Variants in MACROD2 observed in about 807,000 individuals in gnomAD.
MACROD2 encodes mono-ADP ribosylhydrolase 2.
Under a neutral mutation model 70.4 loss-of-function variants are expected in MACROD2, and 36 were observed. That is an observed-to-expected ratio of 0.51 (90% CI 0.39 to 0.68). MACROD2 has a LOEUF of 0.68. MACROD2 is among the 30% of genes least tolerant of loss of function. The probability of loss-of-function intolerance (pLI) is 0.00; values close to 1 mark genes in which losing one functional copy is unlikely to be tolerated. For missense variants in MACROD2, 496 were observed against 538.4 expected (o/e 0.92, Z 0.78); for synonymous variants, 172 against 178.8 (o/e 0.96, Z 0.30).
At chr20:14,127,379 C>T in intron 3 of MACROD2, 2 of 390,188 alleles carry the variant, frequency 5.1e-6, no homozygotes, top group Non-Finnish European at 9.5e-6. Context: ...CTGAGGCTGC[C>T]TCAGAACCCC....
At chr20:14,097,250 TAG>T (rs1008623759) in intron 3 of MACROD2, among the ~76,000 whole-genome samples, 5 of 152,220 alleles carry the variant, frequency 3.3e-5, no homozygotes, top group African/African-American at 1.2e-4. Flanking sequence ...TGGTCTTTTC[TAG>T]AGCTTGGGGA....
chr20:15,277,389 G>T (rs1386644563), intron 6 of MACROD2, among the ~76,000 whole-genome samples: 1 of 152,242 alleles, frequency 6.6e-6, no homozygotes, highest in Non-Finnish European at 1.5e-5. Flanking sequence ...GATTGGTGCT[G>T]ATGAATGAGG....
chr20:15,602,855 G>A (rs565088042), intron 8 of MACROD2, among the ~76,000 whole-genome samples: 1 of 152,254 alleles, frequency 6.6e-6, no homozygotes, highest in East Asian at 1.9e-4. Flanking sequence ...GCAATGGAAT[G>A]AGGTCTCTAC....
At chr20:15,134,383 C>T (rs958913593) in intron 5 of MACROD2, among the ~76,000 whole-genome samples, 1 of 151,726 alleles carries the variant, frequency 6.6e-6, no homozygotes, top group Non-Finnish European at 1.5e-5. Context: ...GACCACAGTG[C>T]AATCAAACTA....
intron 5 of MACROD2, among the ~76,000 whole-genome samples, chr20:15,138,874 C>T (rs576350626): frequency 6.6e-6 from 1 of 152,130 alleles, no homozygotes; most frequent in Non-Finnish European, 1.5e-5. Flanking sequence ...GGAATATTTT[C>T]ATTTGTTTGT....
chr20:15,796,641 A>G (rs1042327777), intron 8 of MACROD2, among the ~76,000 whole-genome samples: 1 of 152,182 alleles, frequency 6.6e-6, no homozygotes, highest in Non-Finnish European at 1.5e-5. Flanking sequence ...TCAAAAGTAT[A>G]AGAGGTCATG....
At chr20:15,267,772 C>T (rs1568680509) in intron 6 of MACROD2, among the ~76,000 whole-genome samples, 1 of 152,086 alleles carries the variant, frequency 6.6e-6, no homozygotes, top group African/African-American at 2.4e-5. Flanking sequence ...GAGGATGGGA[C>T]GGGGCCTTGG....
intron 8 of MACROD2, among the ~76,000 whole-genome samples, chr20:15,605,402 T>C (rs1459153336): frequency 6.6e-6 from 1 of 151,762 alleles, no homozygotes; most frequent in African/African-American, 2.4e-5. Context: ...CTTTCTTTTG[T>C]GGGGCATAGA....
At chr20:16,003,604 G>C (rs1383010404) in intron 15 of MACROD2, among the ~76,000 whole-genome samples, 1 of 152,182 alleles carries the variant, frequency 6.6e-6, no homozygotes, top group Non-Finnish European at 1.5e-5. Flanking sequence ...CTTTGTTAAA[G>C]CATGGCTTTC....
chr20:15,585,432 G>A (rs572273467), intron 8 of MACROD2, among the ~76,000 whole-genome samples: 6 of 152,062 alleles, frequency 3.9e-5, no homozygotes, highest in East Asian at 3.9e-4. Flanking sequence ...TCCTGACCTC[G>A]TGATCCACCC....
At chr20:14,988,506 G>A (rs891178655) in intron 5 of MACROD2, among the ~76,000 whole-genome samples, 3 of 152,106 alleles carry the variant, frequency 2.0e-5, no homozygotes, top group African/African-American at 7.2e-5. Flanking sequence ...CTTACAGATT[G>A]TCTTCAAGAA....
At chr20:14,043,728 ATTTC>A (rs1281540865) in intron 2 of MACROD2, among the ~76,000 whole-genome samples, 2 of 152,190 alleles carry the variant, frequency 1.3e-5, no homozygotes, top group East Asian at 1.9e-4. Flanking sequence ...AGGTCAGAGA[ATTTC>A]TTTATGGGCA....
intron 8 of MACROD2, among the ~76,000 whole-genome samples, chr20:15,640,980 A>G (rs554388047): frequency 3.3e-5 from 5 of 152,146 alleles, no homozygotes; most frequent in South Asian, 4.2e-4. Context: ...GACCTTCCTC[A>G]TTTCCTTGGG....
At chr20:15,124,005 T>G (rs1216145831) in intron 5 of MACROD2, among the ~76,000 whole-genome samples, 1 of 152,166 alleles carries the variant, frequency 6.6e-6, no homozygotes, top group Non-Finnish European at 1.5e-5. Flanking sequence ...ATTTGTAACT[T>G]AGATATTTCC....
chr20:15,794,304 T>C (rs2063653010), intron 8 of MACROD2, among the ~76,000 whole-genome samples: 1 of 152,220 alleles, frequency 6.6e-6, no homozygotes, highest in African/African-American at 2.4e-5. Flanking sequence ...AGATTTATAT[T>C]ATTTTTTATT....
intron 2 of MACROD2, among the ~76,000 whole-genome samples, chr20:14,042,920 T>G (rs1176577666): frequency 6.8e-6 from 1 of 146,354 alleles, no homozygotes; most frequent in African/African-American, 2.5e-5. Context: ...GGTGGTGGGT[T>G]TTTTTTTTTT....
intron 13 of MACROD2, 143 bp from the exon 14 acceptor site, chr20:15,986,584 A>C (rs1443094292): frequency 1.9e-6 from 1 of 539,884 alleles, no homozygotes; most frequent in Admixed American, 3.5e-5. Context: ...TGATGATTAG[A>C]AAAATTGTAT....
At chr20:15,689,978 T>A (rs1487777095) in intron 8 of MACROD2, among the ~76,000 whole-genome samples, 1 of 152,172 alleles carries the variant, frequency 6.6e-6, no homozygotes, top group African/African-American at 2.4e-5. Flanking sequence ...ACAATCAGGC[T>A]GTGAGAATCA....
intron 3 of MACROD2, among the ~76,000 whole-genome samples, chr20:14,132,141 A>AG (rs1233003325): frequency 1.3e-5 from 2 of 151,160 alleles, no homozygotes; most frequent in East Asian, 3.9e-4. Flanking sequence ...AAAAAAAAAA[A>AG]AAAAAAAGAT....
Sources: gnomAD v4.1 joint callset for allele counts (sites outside exome capture counted in the v4.1 genomes callset) on GRCh38, gnomAD v4.1.1 for gene constraint, MANE v1.5 for transcripts, NCBI Gene and HGNC (gene_info 2026-07-23, HGNC 2026-07-21) for gene names.